Variants in SI observed in about 807,000 individuals in gnomAD.
SI encodes the protein sucrase-isomaltase, intestinal.
SI carries 235 observed loss-of-function variants against 253.3 expected under a neutral mutation model. The observed-to-expected ratio is 0.93, with a 90% confidence interval of 0.83 to 1.03. The LOEUF is 1.03. SI is among the 50% of genes least tolerant of loss of function. The pLI is 0.00. For missense variants in SI, 2,442 were observed against 2,211.1 expected (o/e 1.10, Z -2.09); for synonymous variants, 819 against 712.0 (o/e 1.15, Z -2.39).
At position 164,998,622 on chromosome 3, in the gene SI, C is replaced by A; in HGVS notation, c.4458G>T (p.Thr1486=). Residue 1486 remains threonine (T), a synonymous_variant, in exon 38 of 48, where the codon ACG becomes ACT. Coordinates refer to ENST00000264382, the MANE Select transcript of SI (RefSeq NM_001041.4). The part of the protein sequence containing the change: ...GKRGIVISRS[T]YPTSGRWGGH... ...CTCCCCATCGTCCACTAGTAGGATA[C>A]GTGGAACGAGAAATTACAATCCCTC... 1 of 1,609,590 alleles carries A rather than the reference C, an allele frequency of 6.2e-7. No homozygotes were observed. Among genetic ancestry groups the A allele is most frequent in the Non-Finnish European group, 8.5e-7 (1 of 1,176,404 alleles).
At chr3:165,084,650 C>T in the SI span, among the ~76,000 whole-genome samples, 1 of 151,798 alleles carries the variant, frequency 6.6e-6, no homozygotes, top group South Asian at 2.1e-4. Flanking sequence ...ATATTCCAGT[C>T]CTAAAATATT....
In SI at chr3:165,074,665, T is replaced by C; in HGVS notation, c.121A>G (p.Ile41Val). 4.4e-6 allele frequency: 7 copies of C among 1,608,554 alleles called. No individual in the cohort carries two copies. The South Asian group carries it at 7.7e-5, about 18-fold the overall frequency. The change falls in exon 3 of 48, where the codon ATT (isoleucine) becomes GTT (valine). Residue 41 changes from isoleucine (I) to valine (V), a missense_variant and splice_region_variant. Physicochemically the swap from Ile to Val is conservative, Grantham distance 29. Coordinates refer to ENST00000264382, the MANE Select transcript of SI (RefSeq NM_001041.4). ...LATKTPAVDE[I>V]SDSTSTPATT... Reference sequence around the variant, plus strand: ...GCTGGAGTTGAAGTAGAATCACTAATTTCTGGGGGAGGAAAAAACTCAATA... The same window carrying C: ...GCTGGAGTTGAAGTAGAATCACTAACTTCTGGGGGAGGAAAAAACTCAATA...
intron 34 of SI, among the ~76,000 whole-genome samples, chr3:165,012,152 ATGT>A (rs1322893840): frequency 2.0e-5 from 3 of 152,308 alleles, no homozygotes; most frequent in Admixed American, 6.5e-5. Context: ...AGAAAGACAA[ATGT>A]TGTATGATTC....
intron 15 of SI, among the ~76,000 whole-genome samples, chr3:165,048,223 T>C (rs1050905454): frequency 1.3e-5 from 2 of 152,016 alleles, no homozygotes; most frequent in Admixed American, 1.3e-4. Context: ...GAGAATAGTA[T>C]TTGGTTTACT....
intron 17 of SI, 98 bp from the exon 18 acceptor site, chr3:165,041,192 A>G: frequency 2.9e-6 from 3 of 1,032,892 alleles, no homozygotes; most frequent in Middle Eastern, 5.0e-4. Flanking sequence ...AACTACATAA[A>G]TTTCAGCTTG....
intron 30 of SI, 21 bp downstream of exon 30, chr3:165,017,740 A>T (rs1392392526): frequency 1.3e-6 from 2 of 1,599,518 alleles, no homozygotes; most frequent in Non-Finnish European, 1.7e-6. Flanking sequence ...TAATTTTTTT[A>T]AAAGAAATAT....
Position 165,062,355 on chromosome 3 carries a change from T to C in SI, c.1020+16A>G. 3 of 1,275,808 alleles carry C rather than the reference T, an allele frequency of 2.4e-6. No individual in the cohort carries two copies. Among genetic ancestry groups the C allele is most frequent in the Non-Finnish European group, 3.4e-6 (3 of 872,680 alleles). The allele number at this position is 1,275,808 out of a possible 1,614,324, so 79.0% of individuals were successfully genotyped here. ...AGTATGCAGAAAAAATTTTATAAAA[T>C]AGACCTGAAACACACCTGTTGATAC... is the stretch of plus-strand genomic sequence containing the variant. On this transcript the variant is annotated intron_variant, in intron 9 of 47. Transcript: ENST00000264382.
the SI span, among the ~76,000 whole-genome samples, chr3:165,087,039 C>A: frequency 6.6e-6 from 1 of 152,080 alleles, no homozygotes; most frequent in African/African-American, 2.4e-5. Context: ...AGAGCAAAGG[C>A]CTTAGGATGC....
At chr3:165,059,715 T>C (rs1284809875) in intron 10 of SI, among the ~76,000 whole-genome samples, 187 bp downstream of exon 10, 3 of 151,996 alleles carry the variant, frequency 2.0e-5, no homozygotes, top group African/African-American at 4.8e-5. Context: ...TTCAAAAGCA[T>C]ATATTTGTAC....
At chr3:165,077,394 A>G (rs1715068249) in intron 1 of SI, among the ~76,000 whole-genome samples, 1 of 151,718 alleles carries the variant, frequency 6.6e-6, no homozygotes, top group Non-Finnish European at 1.5e-5. Context: ...CCTCAATTAG[A>G]TCGTTACATT....
intron 13 of SI, 112 bp downstream of exon 13, chr3:165,055,082 A>C (rs1482056755): frequency 1.5e-6 from 1 of 678,504 alleles, no homozygotes; most frequent in African/African-American, 1.8e-5. Flanking sequence ...TAGTAGCTTT[A>C]AATTTTACAT....
In SI at chr3:165,040,975, C is replaced by A. The variant is rs767532105; in HGVS notation, c.2124G>T (p.Val708=). The part of the protein sequence containing the change: ...FLYTLFYKAH[V]FGETVARPVL... ...CTGGTCTTGCTACTGTTTCTCCAAACACATGGGCTTTATAAAACAGAGTGT... is the reference window on the plus strand; with the variant it reads ...CTGGTCTTGCTACTGTTTCTCCAAAAACATGGGCTTTATAAAACAGAGTGT... The change falls in exon 18 of 48, where the codon GTG becomes GTT. Residue 708 remains valine (V), a synonymous_variant. Transcript: ENST00000264382. The A allele has an allele frequency of 4.3e-6, 7 of 1,612,096 alleles. No homozygotes were observed. In the East Asian group the frequency reaches 1.3e-4, roughly 31 times the overall value.
In SI at chr3:165,046,911, G is replaced by C; in HGVS notation, c.1817C>G (p.Thr606Ser). The change falls in exon 16 of 48, where the codon ACT becomes AGT. Residue 606 changes from threonine (T) to serine (S), a missense_variant. Physicochemically the swap from Thr to Ser is moderately conservative, Grantham distance 58. Coordinates refer to ENST00000264382, the MANE Select transcript of SI (RefSeq NM_001041.4). ...RHAAHWLGDN[T>S]ASWEQMEWSI... ...CCATTCCATTTGTTCCCATGAAGCA[G>C]TATTGTCTCCTAACCAATGCGCAGC... The C allele has an allele frequency of 6.2e-7, 1 of 1,613,166 alleles. No homozygotes were observed. Among genetic ancestry groups the C allele is most frequent in the Non-Finnish European group, 8.5e-7 (1 of 1,179,434 alleles).
rs190282532 is a variant in SI at position 165,062,955 on chromosome 3, C to T, written c.908-472G>A. Among the ~76,000 whole-genome samples, 5 of 152,164 alleles carry T rather than the reference C, an allele frequency of 3.3e-5. No homozygotes were observed. The East Asian group carries it at 5.8e-4, about 18-fold the overall frequency. The stretch of plus-strand genomic sequence containing the variant: ...AAAACCATGTAATAAACTGATCCTG[C>T]TGAAATGTGATTAATTTCTTTAATT... On this transcript the variant is annotated intron_variant, in intron 8 of 47. Coordinates refer to ENST00000264382, the MANE Select transcript of SI (RefSeq NM_001041.4).
At chr3:165,072,898 G>A (rs1252337115) in intron 3 of SI, among the ~76,000 whole-genome samples, 1 of 152,044 alleles carries the variant, frequency 6.6e-6, no homozygotes, top group African/African-American at 2.4e-5. Flanking sequence ...AAATTCTTTT[G>A]AGATATACTA....
At chr3:165,083,718 T>C in the SI span, among the ~76,000 whole-genome samples, 1 of 152,048 alleles carries the variant, frequency 6.6e-6, no homozygotes, top group Non-Finnish European at 1.5e-5. Flanking sequence ...AGTTGGATTA[T>C]GTGCATTATC....
At chr3:165,012,029 A>G (rs1268739761) in intron 34 of SI, among the ~76,000 whole-genome samples, 1 of 152,124 alleles carries the variant, frequency 6.6e-6, no homozygotes, top group Non-Finnish European at 1.5e-5. Context: ...TGATAGAACT[A>G]TAGCCACTCC....
chr3:165,061,306 G>A (rs1230065167), intron 9 of SI, among the ~76,000 whole-genome samples: 3 of 151,704 alleles, frequency 2.0e-5, no homozygotes, highest in African/African-American at 7.3e-5. Context: ...ATATCAGAGT[G>A]TTGTTTCTCT....
intron 46 of SI, 71 bp from the exon 47 acceptor site, chr3:164,982,481 C>A: frequency 9.0e-7 from 1 of 1,113,786 alleles, no homozygotes; most frequent in South Asian, 1.3e-5. Context: ...AAAAATATGT[C>A]GGTTAACCAA....
Sources: allele counts gnomAD v4.1 joint callset (sites outside exome capture counted in the v4.1 genomes callset), GRCh38; gene constraint gnomAD v4.1.1; transcripts MANE v1.5; gene names NCBI Gene and HGNC (gene_info 2026-07-23, HGNC 2026-07-21).